PTPRN2: variants seen among roughly 807,000 people sequenced by gnomAD.
PTPRN2 encodes receptor-type tyrosine-protein phosphatase N2.
Under a neutral mutation model 118.8 loss-of-function variants are expected in PTPRN2, and 74 were observed. The observed-to-expected ratio is 0.62, with a 90% confidence interval of 0.52 to 0.76. PTPRN2 has a LOEUF of 0.76. Ranked by LOEUF, PTPRN2 falls within the 30% of genes least tolerant of loss-of-function variation. PTPRN2 has a pLI of 0.00. For missense variants in PTPRN2, 1,481 were observed against 1,394.4 expected (o/e 1.06, Z -0.99); for synonymous variants, 641 against 608.0 (o/e 1.05, Z -0.80).
chr7:157,577,622 C>G lies in PTPRN2; in HGVS notation c.2616+399G>C, dbSNP rs538219794. ...GATGGGCGCCAGGTTTTCTTAAAAA[C>G]GGACCCCACTTAAAGGCTTGTTATA... On this transcript the variant is annotated intron_variant, in intron 18 of 22. Transcript: ENST00000389418. Among the ~76,000 whole-genome samples the G allele has an allele frequency of 2.0e-5, 3 of 152,326 alleles. No individual in the cohort carries two copies. In the East Asian group the frequency reaches 5.8e-4, roughly 29 times the overall value.
At chr7:158,160,217 G>A (rs1822238397) in intron 6 of PTPRN2, among the ~76,000 whole-genome samples, 1 of 152,206 alleles carries the variant, frequency 6.6e-6, no homozygotes, top group African/African-American at 2.4e-5. Flanking sequence ...TTCATTTTGG[G>A]TGTTTCTGGG....
chr7:158,145,722 G>C lies in PTPRN2; in HGVS notation c.911-7207C>G, dbSNP rs1023562768. On this transcript the variant is annotated intron_variant, in intron 6 of 22. Coordinates refer to ENST00000389418, the MANE Select transcript of PTPRN2 (RefSeq NM_002847.5). ...GGCCTGATTATTCTAGAATCTGTAG[G>C]GTGTTAGCTCACATTTCTTTTTCCA... Among the ~76,000 whole-genome samples the C allele has an allele frequency of 2.6e-5, 4 of 152,304 alleles. No homozygotes were observed. The East Asian group carries it at 7.7e-4, about 29-fold the overall frequency.
rs1563107771 is a variant in PTPRN2 at position 157,787,028 on chromosome 7, GGCGGGGGAC to G, written c.1789-104100_1789-104092del. On this transcript the variant is annotated intron_variant, in intron 12 of 22. Coordinates refer to ENST00000389418, the MANE Select transcript of PTPRN2 (RefSeq NM_002847.5). This position sits in a 1 kb window ranked among gnomAD's most constrained non-coding sequence, Gnocchi z 5.3. ...AGGGGCAGGAGGCGGACACAGGTGC[GGCGGGGGAC>G]GCGGGGGTGGCTGCCCGGGAGGCGG... Among the ~76,000 whole-genome samples the G allele has an allele frequency of 6.7e-6, 1 of 149,720 alleles. No homozygotes were observed. Among genetic ancestry groups the G allele is most frequent in the Non-Finnish European group, 1.5e-5 (1 of 67,720 alleles).
chr7:158,277,942 G>A (rs1447940618), intron 3 of PTPRN2, among the ~76,000 whole-genome samples: 2 of 149,388 alleles, frequency 1.3e-5, no homozygotes, highest in South Asian at 2.1e-4. Context: ...AGGCACACAA[G>A]GGGGGGATGG....
chr7:158,201,313 CCTAT>C (rs1284439952), intron 4 of PTPRN2, among the ~76,000 whole-genome samples: 6 of 152,138 alleles, frequency 3.9e-5, no homozygotes, highest in Non-Finnish European at 8.8e-5. Flanking sequence ...TGTCCAAATT[CCTAT>C]CTAAGAGGTC....
At chr7:158,333,208 C>T (rs1170067081) in intron 2 of PTPRN2, among the ~76,000 whole-genome samples, 4 of 115,094 alleles carry the variant, frequency 3.5e-5, no homozygotes, top group African/African-American at 1.2e-4. Context: ...TAAGAGCTGT[C>T]GCCCGCAGAC....
In PTPRN2 at chr7:158,544,568, G is replaced by A. The variant is rs144422731; in HGVS notation, c.112+42990C>T. Among the ~76,000 whole-genome samples the A allele has an allele frequency of 2.1e-4, 32 of 152,092 alleles. No individual in the cohort carries two copies. The highest frequency in any genetic ancestry group is 8.3e-4 in the South Asian group (4 of 4,804). On this transcript the variant is annotated intron_variant, in intron 1 of 22. Coordinates refer to ENST00000389418, the MANE Select transcript of PTPRN2 (RefSeq NM_002847.5). This position sits in a 1 kb window ranked among gnomAD's most constrained non-coding sequence, Gnocchi z 4.2. Reference sequence around the variant, plus strand: ...CAGGAGAATCACTTGAACCTGGGACGTGGAGGTTGCAGTGAGCCAAGATCG... The same window carrying A: ...CAGGAGAATCACTTGAACCTGGGACATGGAGGTTGCAGTGAGCCAAGATCG...
chr7:157,841,355 A>T (rs1223650195), intron 12 of PTPRN2, among the ~76,000 whole-genome samples: 1 of 152,208 alleles, frequency 6.6e-6, no homozygotes, highest in African/African-American at 2.4e-5. Flanking sequence ...ACATGGTGGG[A>T]AGCTCAAATG....
chr7:157,568,924 C>A lies in PTPRN2; in HGVS notation c.2880G>T (p.Met960Ile), dbSNP rs1242001848. The A allele has an allele frequency of 1.9e-6, 3 of 1,575,242 alleles. No homozygotes were observed. Among genetic ancestry groups the A allele is most frequent in the Non-Finnish European group, 2.6e-6 (3 of 1,144,874 alleles). ...GRSGTYVLIDMVLNKMAKGAK... is the reference protein window; with the variant it reads ...GRSGTYVLIDIVLNKMAKGAK... ...CACCTTTGGCCATCTTGTTGAGAACCATGTCGATCAGGACGTAGGTGCCGC... is the reference window on the plus strand; with the variant it reads ...CACCTTTGGCCATCTTGTTGAGAACAATGTCGATCAGGACGTAGGTGCCGC... The change falls in exon 21 of 23, where the codon ATG becomes ATT. Residue 960 changes from methionine to isoleucine, a missense_variant. This residue lies in a region of PTPRN2 where 362 missense variants were observed against 384.1 expected (regional missense o/e 0.94). Coordinates refer to ENST00000389418, the MANE Select transcript of PTPRN2 (RefSeq NM_002847.5).
At chr7:158,071,678 G>T (rs1448860294) in intron 11 of PTPRN2, among the ~76,000 whole-genome samples, 21 of 131,392 alleles carry the variant, frequency 1.6e-4, no homozygotes, top group Non-Finnish European at 2.6e-4. Context: ...TGGTGGAGGT[G>T]CTCCTGGTGG....
chr7:158,165,616 T>C (rs1234037897), intron 6 of PTPRN2, among the ~76,000 whole-genome samples: 1 of 152,264 alleles, frequency 6.6e-6, no homozygotes. Flanking sequence ...GCGGCTCCCA[T>C]TCAGCCTTCA....
intron 3 of PTPRN2, among the ~76,000 whole-genome samples, chr7:158,300,884 G>A (rs1800843289): frequency 6.6e-6 from 1 of 152,096 alleles, no homozygotes; most frequent in Admixed American, 6.5e-5. Context: ...ACAGCCGAGT[G>A]AGTTTCACAC....
chr7:157,919,734 T>TA (rs1250812666), intron 11 of PTPRN2, among the ~76,000 whole-genome samples: 2 of 152,204 alleles, frequency 1.3e-5, no homozygotes, highest in African/African-American at 2.4e-5. Context: ...TTAAGACTTA[T>TA]AAGCCCTTAA....
chr7:157,546,436 C>T (rs1195996343), intron 22 of PTPRN2, among the ~76,000 whole-genome samples: 1 of 152,198 alleles, frequency 6.6e-6, no homozygotes, highest in Non-Finnish European at 1.5e-5. Context: ...CATCCCCCTT[C>T]CCCACTGACA....
In PTPRN2 at chr7:157,915,556, C is replaced by T. The variant is rs185593026; in HGVS notation, c.1724-16819G>A. Among the ~76,000 whole-genome samples the T allele has an allele frequency of 1.4e-3, 211 of 151,776 alleles. 4 individuals are homozygous for T. Among genetic ancestry groups the T allele is most frequent in the African/African-American group, 4.8e-3 (198 of 41,324 alleles). ...GAGAAGACACTCTATCATCGGTCAC[C>T]ATTACCCTGCAGTCATGGTTCTTGG... On this transcript the variant is annotated intron_variant, in intron 11 of 22. Transcript: ENST00000389418.
chr7:157,776,531 T>TCC (rs1563096959), intron 12 of PTPRN2, among the ~76,000 whole-genome samples: 63 of 3,248 alleles, frequency 0.019, no homozygotes, highest in African/African-American at 0.045. Context: ...CCCTCTCCTC[T>TCC]CTCTCCTTCT....
intron 11 of PTPRN2, among the ~76,000 whole-genome samples, chr7:157,934,652 G>A (rs1799592141): frequency 6.6e-6 from 1 of 152,160 alleles, no homozygotes; most frequent in Non-Finnish European, 1.5e-5. Flanking sequence ...TTCACTTGGC[G>A]ATGATGAGCA....
rs547881544 is a variant in PTPRN2, at chr7:158,420,193, C to T, written c.163+69542G>A. ...GCAGGCAGGACACATTGTCTCACGGCGAGCTGGCCTTACCCTGAACTCAGA... is the reference window on the plus strand; with the variant it reads ...GCAGGCAGGACACATTGTCTCACGGTGAGCTGGCCTTACCCTGAACTCAGA... On this transcript the variant is annotated intron_variant, in intron 2 of 22. Coordinates refer to ENST00000389418, the MANE Select transcript of PTPRN2 (RefSeq NM_002847.5). Among the ~76,000 whole-genome samples, 5 of 152,246 alleles carry T rather than the reference C, an allele frequency of 3.3e-5. No individual in the cohort carries two copies. The South Asian group carries it at 6.2e-4, about 19-fold the overall frequency.
rs1301178491 is a variant in PTPRN2 at position 158,544,786 on chromosome 7, G to T, written c.112+42772C>A. Among the ~76,000 whole-genome samples, 1 of 152,220 alleles carries T rather than the reference G, an allele frequency of 6.6e-6. No individual in the cohort carries two copies. Among genetic ancestry groups the T allele is most frequent in the East Asian group, 1.9e-4 (1 of 5,200 alleles). On this transcript the variant is annotated intron_variant, in intron 1 of 22. Transcript: ENST00000389418. The surrounding 1 kb of genome is among the most constrained non-coding windows in gnomAD (Gnocchi z 4.2). ...AAAGATTGGGTGCCCCTGCTCTAGA[G>T]TGAACACAGAAGCACTGTCTGGGGC...
Sources: gnomAD v4.1 joint callset for allele counts (sites outside exome capture counted in the v4.1 genomes callset) on GRCh38, gnomAD v4.1.1 for gene constraint, gnomAD v4.1.1 regional missense constraint, Gnocchi (gnomAD v3.1) non-coding constraint, MANE v1.5 for transcripts, NCBI Gene and HGNC (gene_info 2026-07-23, HGNC 2026-07-21) for gene names.